The following KCTD8 variants were observed in gnomAD, a reference collection of about 807,000 sequenced individuals.
KCTD8 encodes potassium channel tetramerization domain containing 8, also known as BTB/POZ domain-containing protein KCTD8.
In KCTD8, 27 loss-of-function variants were observed where a neutral mutation model predicts 31.5. That is an observed-to-expected ratio of 0.86 (90% CI 0.63 to 1.18). The LOEUF (loss-of-function observed/expected upper bound fraction) is 1.18. Among genes scored for constraint, KCTD8 ranks in the 50% most tolerant of loss-of-function variants. KCTD8 has a pLI of 0.00. For missense variants in KCTD8, 658 were observed against 647.7 expected, an observed-to-expected ratio of 1.02 and a Z score of -0.17; for synonymous variants, 290 against 280.0, an observed-to-expected ratio of 1.04 and a Z score of -0.36.
chr4:44,340,068 C>T (rs1251393390), intron 1 of KCTD8, among the ~76,000 whole-genome samples: 1 of 152,066 alleles, frequency 6.6e-6, no homozygotes, highest in African/African-American at 2.4e-5. Flanking sequence ...CAAAAAAAGA[C>T]TCTCAGCACT....
intron 1 of KCTD8, among the ~76,000 whole-genome samples, chr4:44,301,431 T>G (rs558039121): frequency 1.3e-5 from 2 of 152,354 alleles, no homozygotes; most frequent in Non-Finnish European, 2.9e-5. Context: ...AGATGTTATC[T>G]CATTGTGGTT....
At chr4:44,234,633 T>C (rs1463382052) in intron 1 of KCTD8, among the ~76,000 whole-genome samples, 2 of 152,154 alleles carry the variant, frequency 1.3e-5, no homozygotes, top group Admixed American at 1.3e-4. Flanking sequence ...TTGCTTTGAC[T>C]CTCAGCTAGA....
intron 1 of KCTD8, among the ~76,000 whole-genome samples, chr4:44,277,991 T>C (rs1236895942): frequency 3.3e-5 from 5 of 152,036 alleles, no homozygotes; most frequent in Admixed American, 6.6e-5. Flanking sequence ...TTTTCTCTTG[T>C]TGCCTTGCCT....
chr4:44,191,841 C>T (rs1034390742), intron 1 of KCTD8, among the ~76,000 whole-genome samples: 5 of 152,174 alleles, frequency 3.3e-5, no homozygotes, highest in South Asian at 4.1e-4. Flanking sequence ...TCTTTGCTTT[C>T]GTCCTTACCT....
chr4:44,386,754 C>T (rs780289643), intron 1 of KCTD8, among the ~76,000 whole-genome samples: 3 of 151,510 alleles, frequency 2.0e-5, no homozygotes, highest in Non-Finnish European at 4.4e-5. Context: ...TAAGTACATA[C>T]CCCAAAAAAG....
At chr4:44,441,972 G>T (rs561429901) in intron 1 of KCTD8, among the ~76,000 whole-genome samples, 1 of 152,052 alleles carries the variant, frequency 6.6e-6, no homozygotes, top group South Asian at 2.1e-4. Context: ...AATGTCATGG[G>T]GGAAATTTCA....
intron 1 of KCTD8, among the ~76,000 whole-genome samples, chr4:44,327,589 GTTAC>G (rs983981758): frequency 6.6e-6 from 1 of 151,480 alleles, no homozygotes; most frequent in Non-Finnish European, 1.5e-5. Context: ...CTGAGATAAG[GTTAC>G]TTATCAATAT....
rs1267218804 is a variant in KCTD8, at chr4:44,447,854, G to C, written c.670C>G (p.Gln224Glu). 3 of 1,580,466 alleles carry C rather than the reference G, an allele frequency of 1.9e-6. No homozygotes were observed. The highest frequency in any genetic ancestry group is 2.6e-6 in the Non-Finnish European group (3 of 1,161,386). ...ACACGCCGGAATTTGGCGTCGGCCT[G>C]GTTGTCGCGCACGGTGGTGTAGGAG... ...RGSYTTVRDN[Q>E]ADAKFRRVAR... Residue 224 changes from glutamine to glutamate, a missense_variant, in exon 1 of 2, where the codon CAG becomes GAG. Transcript: ENST00000360029.
At chr4:44,301,058 A>G (rs1164250600) in intron 1 of KCTD8, among the ~76,000 whole-genome samples, 2 of 151,674 alleles carry the variant, frequency 1.3e-5, no homozygotes, top group African/African-American at 2.4e-5. Flanking sequence ...ATCATTTTTT[A>G]TGGCTGCATA....
At chr4:44,344,149 G>A (rs760935776) in intron 1 of KCTD8, among the ~76,000 whole-genome samples, 7 of 151,772 alleles carry the variant, frequency 4.6e-5, no homozygotes, top group East Asian at 1.9e-4. Flanking sequence ...GAGCCACCAC[G>A]CCTAGCCCAC....
At chr4:44,181,379 GCGATT>G (rs1713387673) in intron 1 of KCTD8, among the ~76,000 whole-genome samples, 1 of 152,150 alleles carries the variant, frequency 6.6e-6, no homozygotes, top group Non-Finnish European at 1.5e-5. Context: ...CCGAGTGCCT[GCGATT>G]GCAGGCGCGC....
intron 1 of KCTD8, among the ~76,000 whole-genome samples, chr4:44,348,323 T>G (rs1719087360): frequency 6.6e-6 from 1 of 152,176 alleles, no homozygotes; most frequent in African/African-American, 2.4e-5. Context: ...CCGCTATCAA[T>G]GTAACATCGA....
chr4:44,414,946 G>A (rs1486194399), intron 1 of KCTD8, among the ~76,000 whole-genome samples: 2 of 152,184 alleles, frequency 1.3e-5, no homozygotes, highest in Non-Finnish European at 2.9e-5. Flanking sequence ...GGAGGGCTCA[G>A]AAGGAGACAG....
chr4:44,280,136 A>T (rs906177828), intron 1 of KCTD8, among the ~76,000 whole-genome samples: 9 of 152,076 alleles, frequency 5.9e-5, no homozygotes, highest in African/African-American at 1.9e-4. Flanking sequence ...ATGGTAGGGA[A>T]AAGCTTTCTC....
At chr4:44,398,638 C>A (rs537365755) in intron 1 of KCTD8, among the ~76,000 whole-genome samples, 1 of 152,126 alleles carries the variant, frequency 6.6e-6, no homozygotes, top group African/African-American at 2.4e-5. Context: ...AGATCCGGAA[C>A]GAACTCTCAA....
chr4:44,339,311 A>C (rs1388443703), intron 1 of KCTD8, among the ~76,000 whole-genome samples: 1 of 152,154 alleles, frequency 6.6e-6, no homozygotes, highest in Non-Finnish European at 1.5e-5. Flanking sequence ...AGTTCTTAGA[A>C]TCCCTAGAGA....
At chr4:44,418,957 C>T (rs770028266) in intron 1 of KCTD8, among the ~76,000 whole-genome samples, 45 of 152,264 alleles carry the variant, frequency 3.0e-4, no homozygotes, top group Non-Finnish European at 5.6e-4. Context: ...CGTGGCTGTG[C>T]TTAATAAAAC....
intron 1 of KCTD8, among the ~76,000 whole-genome samples, chr4:44,340,067 A>T (rs1472204951): frequency 1.3e-5 from 2 of 152,078 alleles, no homozygotes; most frequent in Non-Finnish European, 2.9e-5. Flanking sequence ...ACAAAAAAAG[A>T]CTCTCAGCAC....
chr4:44,219,862 G>T (rs1378757284), intron 1 of KCTD8, among the ~76,000 whole-genome samples: 2 of 152,096 alleles, frequency 1.3e-5, no homozygotes, highest in African/African-American at 4.8e-5. Context: ...CTGTATCAGC[G>T]AGAATGAAGT....
Sources: allele counts gnomAD v4.1 joint callset (sites outside exome capture counted in the v4.1 genomes callset), GRCh38; gene constraint gnomAD v4.1.1; transcripts MANE v1.5; gene names NCBI Gene and HGNC (gene_info 2026-07-23, HGNC 2026-07-21).